CTNNA3: variants seen among roughly 807,000 people sequenced by gnomAD.
CTNNA3 encodes the protein catenin alpha 3, also known as catenin alpha-3.
A neutral mutation model predicts 95.7 loss-of-function variants in CTNNA3; 76 were observed. That is an observed-to-expected ratio of 0.79 (90% CI 0.66 to 0.96). The LOEUF is 0.96. Ranked by LOEUF, CTNNA3 falls within the 40% of genes least tolerant of loss-of-function variation. CTNNA3 has a pLI of 0.00. For synonymous variants in CTNNA3, 431 were observed against 374.4 expected, an observed-to-expected ratio of 1.15 and a Z score of -1.74; for missense variants, 1,191 against 1,089.8, an observed-to-expected ratio of 1.09 and a Z score of -1.31.
intron 3 of CTNNA3, among the ~76,000 whole-genome samples, chr10:67,556,043 T>C (rs1253110812): frequency 1.3e-5 from 2 of 152,254 alleles, no homozygotes; most frequent in African/African-American, 2.4e-5. Flanking sequence ...TCTGTTTATA[T>C]GATGGATTAC....
chr10:67,613,537 G>T (rs539568873), intron 2 of CTNNA3, among the ~76,000 whole-genome samples: 3 of 152,146 alleles, frequency 2.0e-5, no homozygotes, highest in South Asian at 2.1e-4. Flanking sequence ...CCTTAATGTG[G>T]GATTTTCTGC....
chr10:67,008,915 A>C (rs1223220876), intron 7 of CTNNA3, among the ~76,000 whole-genome samples: 1 of 152,150 alleles, frequency 6.6e-6, no homozygotes, highest in African/African-American at 2.4e-5. Context: ...TATGGGCTTG[A>C]AAATGTTTGT....
chr10:67,314,535 A>G (rs1275828897), intron 5 of CTNNA3, among the ~76,000 whole-genome samples: 2 of 152,342 alleles, frequency 1.3e-5, no homozygotes, highest in East Asian at 3.9e-4. Context: ...ATACAGAGAT[A>G]AATGCAGAAA....
chr10:66,765,799 C>A (rs1839823859), intron 9 of CTNNA3, among the ~76,000 whole-genome samples: 2 of 152,082 alleles, frequency 1.3e-5, no homozygotes, highest in South Asian at 4.1e-4. Flanking sequence ...GGGACATGAG[C>A]CAGTTCACTA....
At chr10:66,139,658 T>G (rs1262502776) in intron 13 of CTNNA3, among the ~76,000 whole-genome samples, 1 of 152,136 alleles carries the variant, frequency 6.6e-6, no homozygotes, top group Non-Finnish European at 1.5e-5. Context: ...AATTATGACA[T>G]TTCTCACACT....
intron 5 of CTNNA3, among the ~76,000 whole-genome samples, chr10:67,341,049 A>G (rs899334483): frequency 2.6e-5 from 4 of 152,138 alleles, no homozygotes; most frequent in Admixed American, 6.5e-5. Flanking sequence ...TTATTTTTTC[A>G]ATTTTTAATT....
At position 66,189,617 on chromosome 10, in the gene CTNNA3, T is replaced by TACAC. The variant is rs1554883914; in HGVS notation, c.1885-86372_1885-86369dup. ...CTATAGATTTATATATATATATATA[T>TACAC]ACACACATACACACACATATACATA... On this transcript the variant is annotated intron_variant, in intron 13 of 17. Coordinates refer to ENST00000433211, the MANE Select transcript of CTNNA3 (RefSeq NM_013266.4). 5.7e-5 allele frequency among the ~76,000 whole-genome samples: 8 copies of TACAC among 140,366 alleles called. No individual in the cohort carries two copies. The South Asian group carries it at 8.9e-4, about 16-fold the overall frequency. The allele number at this position is 140,366 out of a possible 152,430, so 92.1% of individuals were successfully genotyped here. A position where few individuals can be genotyped will look rare whatever the true frequency, so the allele number is the denominator to read the frequency against.
chr10:67,393,125 C>T (rs773946850), intron 5 of CTNNA3, among the ~76,000 whole-genome samples: 3 of 151,724 alleles, frequency 2.0e-5, no homozygotes, highest in Non-Finnish European at 4.4e-5. Context: ...GGAAGATTTA[C>T]CTCAGACCTG....
chr10:67,581,938 T>G (rs1842417355), intron 3 of CTNNA3, among the ~76,000 whole-genome samples: 1 of 152,150 alleles, frequency 6.6e-6, no homozygotes. Flanking sequence ...ATCTATTTGA[T>G]TCTTCTCTCT....
chr10:67,527,240 GA>G (rs1460054498), intron 4 of CTNNA3, among the ~76,000 whole-genome samples: 6 of 152,048 alleles, frequency 3.9e-5, no homozygotes, highest in Non-Finnish European at 7.4e-5. Context: ...CTGGGTGACA[GA>G]AAAAGACTTC....
chr10:66,685,206 C>CTT (rs547429895), intron 9 of CTNNA3, among the ~76,000 whole-genome samples: 6 of 116,900 alleles, frequency 5.1e-5, no homozygotes, highest in African/African-American at 1.8e-4. Context: ...TATATATATA[C>CTT]GTATATATAT....
At chr10:66,962,647 G>A (rs188188810) in intron 7 of CTNNA3, among the ~76,000 whole-genome samples, 21 of 151,942 alleles carry the variant, frequency 1.4e-4, no homozygotes, top group East Asian at 3.9e-4. Flanking sequence ...TCCTGATCTC[G>A]TGATCTGCCT....
At chr10:67,398,837 G>T (rs191622899) in intron 5 of CTNNA3, among the ~76,000 whole-genome samples, 3 of 152,124 alleles carry the variant, frequency 2.0e-5, no homozygotes, top group African/African-American at 7.2e-5. Context: ...CCTTTTGCTT[G>T]GCACTCCTCC....
At chr10:67,628,095 A>T (rs898634878) in intron 2 of CTNNA3, among the ~76,000 whole-genome samples, 17 of 151,450 alleles carry the variant, frequency 1.1e-4, no homozygotes, top group African/African-American at 1.4e-4. Context: ...ATTTAATATT[A>T]AATTTATTTA....
chr10:66,583,059 T>C (rs961573718), intron 10 of CTNNA3, among the ~76,000 whole-genome samples: 1 of 151,918 alleles, frequency 6.6e-6, no homozygotes. Context: ...GTTGAGCATT[T>C]TTGCATCTAT....
At chr10:66,728,696 T>C (rs1473430312) in intron 9 of CTNNA3, among the ~76,000 whole-genome samples, 2 of 152,176 alleles carry the variant, frequency 1.3e-5, no homozygotes, top group African/African-American at 4.8e-5. Context: ...TAAGTGATTC[T>C]TGTGCCTCTG....
chr10:66,951,203 C>T (rs1848523375), intron 7 of CTNNA3, among the ~76,000 whole-genome samples: 1 of 151,680 alleles, frequency 6.6e-6, no homozygotes, highest in African/African-American at 2.4e-5. Flanking sequence ...GCAACCTCTG[C>T]CTCCTGGGTT....
upstream of CTNNA3, among the ~76,000 whole-genome samples, chr10:67,700,183 C>G (rs986204884): frequency 6.6e-6 from 1 of 152,252 alleles, no homozygotes; most frequent in Non-Finnish European, 1.5e-5. Flanking sequence ...GTAGGCTCCA[C>G]CTCTGGGGGC....
intron 9 of CTNNA3, among the ~76,000 whole-genome samples, chr10:66,649,505 C>T (rs1254910662): frequency 1.3e-5 from 2 of 152,134 alleles, no homozygotes; most frequent in Non-Finnish European, 2.9e-5. Flanking sequence ...AATACCCAAC[C>T]CTTACGGGAA....
Sources: allele counts gnomAD v4.1 joint callset (sites outside exome capture counted in the v4.1 genomes callset), GRCh38; gene constraint gnomAD v4.1.1; transcripts MANE v1.5; gene names NCBI Gene and HGNC (gene_info 2026-07-23, HGNC 2026-07-21).